The following USP6NL variants were observed in gnomAD, a reference collection of about 807,000 sequenced individuals.
The protein encoded by USP6NL is USP6 N-terminal like, also known as USP6 N-terminal-like protein.
A neutral mutation model predicts 61.9 loss-of-function variants in USP6NL; 26 were observed. That is an observed-to-expected ratio of 0.42 (90% CI 0.31 to 0.58). USP6NL has a LOEUF of 0.58. Ranked by LOEUF, USP6NL falls within the 20% of genes least tolerant of loss-of-function variation. The probability of loss-of-function intolerance (pLI) is 0.16; values close to 1 mark genes in which losing one functional copy is unlikely to be tolerated. For missense variants in USP6NL, 1,114 were observed against 1,034.3 expected (o/e 1.08, Z -1.06); for synonymous variants, 432 against 390.1 (o/e 1.11, Z -1.27).
rs188261021 is a variant in USP6NL, at chr10:11,569,485, T to C, written c.4+28146A>G. ...GTATAGAATTTTTAAAGTGTAGTAA[T>C]AGAAGCAAAAGCAAAATGCTAAGAG... On this transcript the variant is annotated intron_variant, in intron 2 of 14. Coordinates refer to ENST00000609104, the MANE Select transcript of USP6NL (RefSeq NM_014688.5). 5.1e-4 allele frequency among the ~76,000 whole-genome samples: 78 copies of C among 152,252 alleles called. No homozygotes were observed. In the South Asian group the frequency reaches 0.015, roughly 29 times the overall value.
intron 2 of USP6NL, among the ~76,000 whole-genome samples, chr10:11,588,340 A>C (rs564439442): frequency 1.3e-5 from 2 of 152,366 alleles, no homozygotes; most frequent in South Asian, 2.1e-4. Flanking sequence ...AGATAAGTCT[A>C]ATCTATCTAT....
chr10:11,497,285 C>A (rs1833973774), intron 7 of USP6NL, among the ~76,000 whole-genome samples: 1 of 151,098 alleles, frequency 6.6e-6, no homozygotes, highest in African/African-American at 2.4e-5. Flanking sequence ...GTGGCGGGCA[C>A]CTGTAGTCCC....
intron 2 of USP6NL, among the ~76,000 whole-genome samples, chr10:11,572,005 T>C (rs1045830080): frequency 3.3e-5 from 5 of 151,476 alleles, no homozygotes; most frequent in African/African-American, 7.2e-5. Context: ...TATCTTTTGG[T>C]AGTATTTTTC....
rs1343720950 is a variant in USP6NL, at chr10:11,461,869, C to T, written c.*572G>A. 1 of 152,348 alleles carries T rather than the reference C, an allele frequency of 6.6e-6. No individual in the cohort carries two copies. The highest frequency in any genetic ancestry group is 1.9e-4 in the East Asian group (1 of 5,212). The allele number at this position is 152,348 out of a possible 1,614,324, so 9.4% of individuals were successfully genotyped here. ...GACAAACTCTTCAGTCAGTTTAGGA[C>T]CCAGGTTACAAATATATGAGAGGGA... On this transcript the variant is annotated 3_prime_UTR_variant, in exon 15 of 15. Coordinates refer to ENST00000609104, the MANE Select transcript of USP6NL (RefSeq NM_014688.5).
intron 2 of USP6NL, among the ~76,000 whole-genome samples, chr10:11,567,823 A>T (rs977780387): frequency 6.6e-6 from 1 of 152,224 alleles, no homozygotes; most frequent in Non-Finnish European, 1.5e-5. Context: ...CAGCCCTCAT[A>T]ACACCTGGGA....
chr10:11,601,530 T>G lies in USP6NL; in HGVS notation c.-83-3813A>C, dbSNP rs979044254. 2.0e-5 allele frequency among the ~76,000 whole-genome samples: 3 copies of G among 152,300 alleles called. 1 individual carries two copies. Among genetic ancestry groups the G allele is most frequent in the Middle Eastern group, 6.8e-3 (2 of 292 alleles). ...TTTATGTAACATATTACACATAGTC[T>G]TTGTATGAATATATTTTACAGTATT... is the stretch of plus-strand genomic sequence containing the variant. On this transcript the variant is annotated intron_variant, in intron 1 of 14. Coordinates refer to ENST00000609104, the MANE Select transcript of USP6NL (RefSeq NM_014688.5).
Position 11,520,255 on chromosome 10 carries a change from A to G in USP6NL, c.156-1681T>C, listed in dbSNP as rs1835151616. Reference sequence around the variant, plus strand: ...GAAACGAAACTGGTTACAAATAAAAAAGTCTTCAGACCTCATAGATGGATG... The same window carrying G: ...GAAACGAAACTGGTTACAAATAAAAGAGTCTTCAGACCTCATAGATGGATG... On this transcript the variant is annotated intron_variant, in intron 4 of 14. Coordinates refer to ENST00000609104, the MANE Select transcript of USP6NL (RefSeq NM_014688.5). The surrounding 1 kb of genome is among the most constrained non-coding windows in gnomAD (Gnocchi z 5.2). Among the ~76,000 whole-genome samples the G allele has an allele frequency of 6.6e-6, 1 of 152,194 alleles. No individual in the cohort carries two copies. Among genetic ancestry groups the G allele is most frequent in the Non-Finnish European group, 1.5e-5 (1 of 68,036 alleles).
At chr10:11,515,248 A>G (rs561628052) in intron 5 of USP6NL, among the ~76,000 whole-genome samples, 2 of 152,336 alleles carry the variant, frequency 1.3e-5, no homozygotes, top group South Asian at 4.1e-4. Context: ...TCCCACTATT[A>G]ACATGGCTAA....
chr10:11,481,511 A>G lies in USP6NL; in HGVS notation c.1078+259T>C, dbSNP rs1833199083. ...ATGGCTACTTCTGTTGAACAACAGTATTTGCCAACCAAACTTCTAAATGTA... is the reference window on the plus strand; with the variant it reads ...ATGGCTACTTCTGTTGAACAACAGTGTTTGCCAACCAAACTTCTAAATGTA... On this transcript the variant is annotated intron_variant, in intron 14 of 14. Transcript: ENST00000609104. This position sits in a 1 kb window ranked among gnomAD's most constrained non-coding sequence, Gnocchi z 4.4. 6.6e-6 allele frequency among the ~76,000 whole-genome samples: 1 copy of G among 152,352 alleles called. No individual in the cohort carries two copies. Among genetic ancestry groups the G allele is most frequent in the African/African-American group, 2.4e-5 (1 of 41,592 alleles).
Position 11,491,028 on chromosome 10 carries a change from AAAC to A in USP6NL, c.495-151_495-149del, listed in dbSNP as rs1243567670. 1.3e-5 allele frequency: 9 copies of A among 683,262 alleles called. No homozygotes were observed. The highest frequency in any genetic ancestry group is 4.6e-5 in the South Asian group (2 of 43,676). 42.3% of individuals were successfully genotyped at this position (683,262 alleles called of 1,614,324 possible). On this transcript the variant is annotated intron_variant, in intron 8 of 14. Coordinates refer to ENST00000609104, the MANE Select transcript of USP6NL (RefSeq NM_014688.5). This position sits in a 1 kb window ranked among gnomAD's most constrained non-coding sequence, Gnocchi z 4.7. Reference sequence around the variant, plus strand: ...AATAAATTATCCCAAGTTCAAATTCAAACAACACTCTAAAAAGTCTAAATTCAA... The same window carrying A: ...AATAAATTATCCCAAGTTCAAATTCAAACACTCTAAAAAGTCTAAATTCAA...
rs1833643188 is a variant in USP6NL at position 11,490,045 on chromosome 10, T to G, written c.543+787A>C. ...GGAGAGATGGAAGGTGCAGCTTTCC[T>G]TCTCACCAGACGCTTCCCACCTTCC... On this transcript the variant is annotated intron_variant, in intron 9 of 14. Coordinates refer to ENST00000609104, the MANE Select transcript of USP6NL (RefSeq NM_014688.5). The surrounding 1 kb of genome is among the most constrained non-coding windows in gnomAD (Gnocchi z 4.5). Among the ~76,000 whole-genome samples the G allele has an allele frequency of 6.6e-6, 1 of 152,218 alleles. No homozygotes were observed. The highest frequency in any genetic ancestry group is 2.4e-5 in the African/African-American group (1 of 41,454).
At chr10:11,473,594 A>C (rs1301208861) in intron 14 of USP6NL, among the ~76,000 whole-genome samples, 1 of 152,192 alleles carries the variant, frequency 6.6e-6, no homozygotes, top group Non-Finnish European at 1.5e-5. Flanking sequence ...CAGGCCGATT[A>C]GAGCTGTGAG....
chr10:11,520,005 G>A lies in USP6NL; in HGVS notation c.156-1431C>T, dbSNP rs557230089. ...CTTTTTCTACTCTGAGGAGTCCTTAGGTGAACAATTACTACAGCCACAAAA... is the reference window on the plus strand; with the variant it reads ...CTTTTTCTACTCTGAGGAGTCCTTAAGTGAACAATTACTACAGCCACAAAA... On this transcript the variant is annotated intron_variant, in intron 4 of 14. Coordinates refer to ENST00000609104, the MANE Select transcript of USP6NL (RefSeq NM_014688.5). This position sits in a 1 kb window ranked among gnomAD's most constrained non-coding sequence, Gnocchi z 5.2. Among the ~76,000 whole-genome samples the A allele has an allele frequency of 1.4e-4, 21 of 152,288 alleles. No homozygotes were observed. In the South Asian group the frequency reaches 3.7e-3, roughly 27 times the overall value.
intron 5 of USP6NL, among the ~76,000 whole-genome samples, chr10:11,516,010 A>G (rs1834941430): frequency 6.6e-6 from 1 of 152,228 alleles, no homozygotes; most frequent in Non-Finnish European, 1.5e-5. Context: ...ATGAAAATTC[A>G]TAGTTTTACA....
Position 11,595,560 on chromosome 10 carries a change from C to T in USP6NL, c.4+2071G>A, listed in dbSNP as rs1838298796. Among the ~76,000 whole-genome samples, 1 of 152,120 alleles carries T rather than the reference C, an allele frequency of 6.6e-6. No homozygotes were observed. The highest frequency in any genetic ancestry group is 1.5e-5 in the Non-Finnish European group (1 of 68,020). On this transcript the variant is annotated intron_variant, in intron 2 of 14. Transcript: ENST00000609104. This position sits in a 1 kb window ranked among gnomAD's most constrained non-coding sequence, Gnocchi z 5.3. ...ACCATGGGGCCAGGGCTCTGACCCACTAACACAGACCTGATTCTGATCTGG... is the reference window on the plus strand; with the variant it reads ...ACCATGGGGCCAGGGCTCTGACCCATTAACACAGACCTGATTCTGATCTGG...
rs1341843945 is a variant in USP6NL at position 11,591,009 on chromosome 10, T to C, written c.4+6622A>G. ...ATTTTCTCACTGACTTAACAGTAAA[T>C]TTTAAGAGTTAGAAGGCGTCCAGAT... On this transcript the variant is annotated intron_variant, in intron 2 of 14. Transcript: ENST00000609104. The surrounding 1 kb of genome is among the most constrained non-coding windows in gnomAD (Gnocchi z 4.7). Among the ~76,000 whole-genome samples, 1 of 152,164 alleles carries C rather than the reference T, an allele frequency of 6.6e-6. No homozygotes were observed.
chr10:11,578,456 G>A (rs1054388173), intron 2 of USP6NL, among the ~76,000 whole-genome samples: 11 of 152,084 alleles, frequency 7.2e-5, no homozygotes, highest in Admixed American at 3.9e-4. Context: ...TTAAGATGAT[G>A]CTTGCTTTAA....
At position 11,587,253 on chromosome 10, in the gene USP6NL, C is replaced by T. The variant is rs1479613621; in HGVS notation, c.4+10378G>A. Among the ~76,000 whole-genome samples, 8 of 152,132 alleles carry T rather than the reference C, an allele frequency of 5.3e-5. No homozygotes were observed. On this transcript the variant is annotated intron_variant, in intron 2 of 14. Transcript: ENST00000609104. The surrounding 1 kb of genome is among the most constrained non-coding windows in gnomAD (Gnocchi z 4.5). ...AAAATTACAATTCTCTCCCTTAAAA[C>T]TTGTTTTAAAATCGAAGATTCAAAC...
chr10:11,514,781 T>C (rs1834884700), intron 5 of USP6NL, among the ~76,000 whole-genome samples: 1 of 152,220 alleles, frequency 6.6e-6, no homozygotes, highest in Admixed American at 6.5e-5. Flanking sequence ...ATTTTTATAA[T>C]TGTATAGAAG....
Sources: gnomAD v4.1 joint callset for allele counts (sites outside exome capture counted in the v4.1 genomes callset) on GRCh38, gnomAD v4.1.1 for gene constraint, Gnocchi (gnomAD v3.1) non-coding constraint, MANE v1.5 for transcripts, NCBI Gene and HGNC (gene_info 2026-07-23, HGNC 2026-07-21) for gene names.